The following SOD2 variants were observed in gnomAD, a reference collection of about 807,000 sequenced individuals.
SOD2 encodes the protein superoxide dismutase 2.
In SOD2, 11 loss-of-function variants were observed where a neutral mutation model predicts 27.0. The observed-to-expected ratio is 0.41, with a 90% CI of 0.26 to 0.67. SOD2 has a LOEUF of 0.67. Ranked by LOEUF, SOD2 falls within the 30% of genes least tolerant of loss-of-function variation. SOD2 has a pLI of 0.34. For synonymous variants in SOD2, 105 were observed against 103.0 expected, an observed-to-expected ratio of 1.02 and a Z score of -0.12; for missense variants, 250 against 274.5, an observed-to-expected ratio of 0.91 and a Z score of 0.63.
At chr6:159,741,265 C>T (rs1779240376) in intron 1 of SOD2, among the ~76,000 whole-genome samples, 1 of 152,164 alleles carries the variant, frequency 6.6e-6, no homozygotes, top group South Asian at 2.1e-4. Context: ...CCCTTGTATT[C>T]TGATAGCATA....
exon 1 of SOD2, chr6:159,761,961 C>G (rs767707565): frequency 9.1e-7 from 1 of 1,094,660 alleles, no homozygotes; most frequent in South Asian, 1.3e-5. Flanking sequence ...GGAGGTGGTG[C>G]GCGGGGAGGT....
intron 1 of SOD2, among the ~76,000 whole-genome samples, chr6:159,701,432 G>A (rs147467985): frequency 7.9e-4 from 121 of 152,212 alleles, no homozygotes; most frequent in Non-Finnish European, 1.4e-3. Context: ...CAAGCTGGGC[G>A]TGATAGCACA....
intron 1 of SOD2, chr6:159,742,213 AGTT>A (rs1044334684): frequency 8.1e-6 from 11 of 1,355,424 alleles, no homozygotes; most frequent in Admixed American, 6.7e-5. Flanking sequence ...TCAAAAGGAT[AGTT>A]GTTTTTATTA....
In SOD2 at chr6:159,673,575, A is replaced by C. The variant is rs1053521792; in HGVS notation, c.*8918T>G. 1.3e-5 allele frequency: 2 copies of C among 152,178 alleles called. No homozygotes were observed. The highest frequency in any genetic ancestry group is 1.3e-4 in the Admixed American group (2 of 15,280). 9.4% of individuals were successfully genotyped at this position (152,178 alleles called of 1,614,324 possible). On this transcript the variant is annotated 3_prime_UTR_variant, in exon 5 of 5. Coordinates refer to ENST00000538183, the MANE Select transcript of SOD2 (RefSeq NM_000636.4). ...GAGAACAAAGACACAACATACCAGA[A>C]TCTCTGGGACACATTTAAAGCAGTG...
At chr6:159,683,472 G>A (rs766294795) in intron 4 of SOD2, among the ~76,000 whole-genome samples, 2 of 152,174 alleles carry the variant, frequency 1.3e-5, no homozygotes, top group African/African-American at 2.4e-5. Flanking sequence ...GCAACAGAGT[G>A]AGACTCCATC....
chr6:159,684,668 GTACT>G (rs1780105108), intron 4 of SOD2, among the ~76,000 whole-genome samples, 182 bp downstream of exon 4: 1 of 152,056 alleles, frequency 6.6e-6, no homozygotes, highest in South Asian at 2.1e-4. Context: ...AAAATTACGT[GTACT>G]TAATTTTATG....
intron 1 of SOD2, among the ~76,000 whole-genome samples, chr6:159,706,703 G>A (rs1222219650): frequency 6.6e-6 from 1 of 152,156 alleles, no homozygotes; most frequent in African/African-American, 2.4e-5. Flanking sequence ...ACATTAGACA[G>A]ATCAACGAGA....
Position 159,673,486 on chromosome 6 carries a change from C to T in SOD2, c.*9007G>A, listed in dbSNP as rs1351548700. ...CTACATGGAAACTGAACAACCTGCT[C>T]CTGAATGACTACTGGGTACATAACA... On this transcript the variant is annotated 3_prime_UTR_variant, in exon 5 of 5. Transcript: ENST00000538183. The T allele has an allele frequency of 6.6e-6, 1 of 152,120 alleles. No homozygotes were observed. Among genetic ancestry groups the T allele is most frequent in the Non-Finnish European group, 1.5e-5 (1 of 68,026 alleles). 9.4% of individuals were successfully genotyped at this position (152,120 alleles called of 1,614,324 possible).
rs1779693813 is a variant in SOD2, at chr6:159,672,727, A to G, written c.*9766T>C. The stretch of plus-strand genomic sequence containing the variant: ...AGTGAACATCCTAGTGACAGGATCA[A>G]ATTCACACATAACAATATTAACCTT... On this transcript the variant is annotated 3_prime_UTR_variant, in exon 5 of 5. Transcript: ENST00000538183. 6.6e-6 allele frequency: 1 copy of G among 152,200 alleles called. No homozygotes were observed. Among genetic ancestry groups the G allele is most frequent in the African/African-American group, 2.4e-5 (1 of 41,444 alleles). 9.4% of individuals were successfully genotyped at this position (152,200 alleles called of 1,614,324 possible). A position where few individuals can be genotyped will look rare whatever the true frequency, so the allele number is the denominator to read the frequency against.
chr6:159,762,280 C>G (rs1056958847), exon 1 of SOD2: 94 of 1,286,428 alleles, frequency 7.3e-5, no homozygotes, highest in Non-Finnish European at 9.5e-5. Context: ...CGCGGGATCC[C>G]TGGAACCCTG....
chr6:159,717,444 A>G (rs1219632295), intron 1 of SOD2, among the ~76,000 whole-genome samples: 1 of 152,196 alleles, frequency 6.6e-6, no homozygotes, highest in Non-Finnish European at 1.5e-5. Flanking sequence ...TTGACACATA[A>G]TAACTGTACA....
chr6:159,758,595 A>G (rs1380485805), intron 1 of SOD2, among the ~76,000 whole-genome samples: 1 of 152,156 alleles, frequency 6.6e-6, no homozygotes, highest in Non-Finnish European at 1.5e-5. Flanking sequence ...GAGTTCACCT[A>G]TCCCTGTGGT....
intron 1 of SOD2, among the ~76,000 whole-genome samples, chr6:159,714,348 C>T (rs1000046560): frequency 6.6e-6 from 1 of 152,196 alleles, no homozygotes; most frequent in Admixed American, 6.5e-5. Flanking sequence ...CACTGGCTGA[C>T]ATATTACATA....
upstream of SOD2, among the ~76,000 whole-genome samples, chr6:159,747,807 G>A (rs763313316): frequency 6.6e-6 from 1 of 152,122 alleles, no homozygotes; most frequent in Non-Finnish European, 1.5e-5. Flanking sequence ...TGTTTGGATT[G>A]TAAAGTAAAA....
At position 159,757,505 on chromosome 6, in the gene SOD2, C is replaced by T. The variant is rs142174180; in HGVS notation, c.-336+3532G>A. Among the ~76,000 whole-genome samples the T allele has an allele frequency of 5.2e-3, 784 of 151,990 alleles. 5 individuals are homozygous for T. The highest frequency in any genetic ancestry group is 0.018 in the African/African-American group (741 of 41,444). ...GTGGCTCACTGCAACCTCCACCTCC[C>T]GGATTCAAGTAATTCTCCTGCCTCA... On this transcript the variant is annotated intron_variant, in intron 1 of 7. Coordinates refer to the SOD2 transcript ENST00000546087.
intron 1 of SOD2, among the ~76,000 whole-genome samples, chr6:159,725,308 C>T (rs1455115945): frequency 2.0e-5 from 3 of 151,906 alleles, no homozygotes; most frequent in Non-Finnish European, 4.4e-5. Context: ...TGGTGAAATC[C>T]CATCTCTATT....
chr6:159,692,592 G>C, intron 2 of SOD2, 69 bp downstream of exon 2: 1 of 1,598,070 alleles, frequency 6.3e-7, no homozygotes, highest in Non-Finnish European at 8.5e-7. Flanking sequence ...AGGCCCGTCC[G>C]TATGGGGCCT....
intron 1 of SOD2, among the ~76,000 whole-genome samples, chr6:159,704,291 T>G (rs111371043): frequency 5.4e-4 from 82 of 152,122 alleles, no homozygotes; most frequent in African/African-American, 1.9e-3. Flanking sequence ...GGACAGTGGG[T>G]GCAGAGCACT....
rs1173157924 is a variant in SOD2 at position 159,739,155 on chromosome 6, CAAAT to C, written c.-116+5971_-116+5974del. On this transcript the variant is annotated intron_variant, in intron 1 of 3. Transcript: ENST00000537657. ...ATTGTTTTTAATGTTGTTCTATCCTCAAATAATTTAATGTACTTTTTGAGCATAC... is the reference window on the plus strand; with the variant it reads ...ATTGTTTTTAATGTTGTTCTATCCTCAATTTAATGTACTTTTTGAGCATAC... The C allele has an allele frequency of 3.5e-6, 3 of 854,786 alleles. No homozygotes were observed. The East Asian group carries it at 8.4e-5, about 24-fold the overall frequency. The allele number at this position is 854,786 out of a possible 1,614,324, so 53.0% of individuals were successfully genotyped here. A position where few individuals can be genotyped will look rare whatever the true frequency, so the allele number is the denominator to read the frequency against.
Sources: allele counts gnomAD v4.1 joint callset (sites outside exome capture counted in the v4.1 genomes callset), GRCh38; gene constraint gnomAD v4.1.1; transcripts MANE v1.5; gene names NCBI Gene and HGNC (gene_info 2026-07-23, HGNC 2026-07-21).